TCF7L2: variants seen among roughly 807,000 people sequenced by gnomAD.
TCF7L2 encodes the protein transcription factor 7 like 2.
A neutral mutation model predicts 77.9 loss-of-function variants in TCF7L2; 23 were observed. That is an observed-to-expected ratio of 0.30 (90% confidence interval 0.21 to 0.42). TCF7L2 has a LOEUF of 0.42. Among genes scored for constraint, TCF7L2 ranks in the 10% least tolerant of loss-of-function variants. TCF7L2 has a pLI of 1.00. For missense variants in TCF7L2, 654 were observed against 793.1 expected (o/e 0.82, Z 2.11); for synonymous variants, 413 against 340.2 (o/e 1.21, Z -2.36).
At chr10:113,038,128 A>T (rs1437895845) in intron 4 of TCF7L2, among the ~76,000 whole-genome samples, 1 of 152,122 alleles carries the variant, frequency 6.6e-6, no homozygotes, top group African/African-American at 2.4e-5. Flanking sequence ...GGTAAGGATA[A>T]CCAAGGGGGT....
At chr10:112,974,042 G>A in intron 4 of TCF7L2, among the ~76,000 whole-genome samples, 1 of 152,214 alleles carries the variant, frequency 6.6e-6, no homozygotes, top group East Asian at 1.9e-4. Context: ...GAATCCAGGA[G>A]TCCAGTGCAG....
At chr10:113,030,069 A>C (rs1227218387) in intron 4 of TCF7L2, among the ~76,000 whole-genome samples, 1 of 152,190 alleles carries the variant, frequency 6.6e-6, no homozygotes, top group Non-Finnish European at 1.5e-5. Context: ...CCTAGCAGCC[A>C]GTCTCTACCC....
At chr10:112,964,449 C>A in intron 3 of TCF7L2, 107 bp from the exon 4 acceptor site, 1 of 920,882 alleles carries the variant, frequency 1.1e-6, no homozygotes, top group Non-Finnish European at 1.8e-6. Flanking sequence ...AATGCCAAGG[C>A]TGCAGTTCAA....
At chr10:113,048,434 G>A (rs958325977) in intron 5 of TCF7L2, among the ~76,000 whole-genome samples, 4 of 152,046 alleles carry the variant, frequency 2.6e-5, no homozygotes, top group Admixed American at 1.3e-4. Flanking sequence ...ATGGTGCTTC[G>A]TTAATTAAGC....
At position 113,159,889 on chromosome 10, in the gene TCF7L2, C is replaced by T. The variant is rs187619379; in HGVS notation, c.1319-730C>T. 1,042 of 1,301,864 alleles carry T rather than the reference C, an allele frequency of 8.0e-4. 11 individuals carry two copies. In the African/African-American group the frequency reaches 0.015, roughly 19 times the overall value. The allele number at this position is 1,301,864 out of a possible 1,614,324, so 80.6% of individuals were successfully genotyped here. A position where few individuals can be genotyped will look rare whatever the true frequency, so the allele number is the denominator to read the frequency against. On this transcript the variant is annotated intron_variant, in intron 12 of 13. Coordinates refer to ENST00000627217, the MANE Select transcript of TCF7L2 (RefSeq NM_001146274.2). The stretch of plus-strand genomic sequence containing the variant: ...TCTCCCTTTCTCCCACGTTCTCCTC[C>T]TCTGCTCGCTTCTCTCTTGAACTCA...
chr10:113,085,570 T>C (rs1261735054), intron 5 of TCF7L2, among the ~76,000 whole-genome samples: 1 of 152,104 alleles, frequency 6.6e-6, no homozygotes, highest in East Asian at 1.9e-4. Context: ...AGTTGTGGAG[T>C]GGGGCAGTAA....
At chr10:113,137,502 A>G (rs1379895442) in intron 5 of TCF7L2, among the ~76,000 whole-genome samples, 4 of 152,204 alleles carry the variant, frequency 2.6e-5, no homozygotes, top group African/African-American at 9.7e-5. Context: ...CAACCTGGTG[A>G]GGAAGAATGA....
chr10:112,951,436 C>T lies in TCF7L2; in HGVS notation c.257-47C>T, dbSNP rs778334494. ...CTAAAAAGTTTCTCCTCACTCTCTCCCGCTCCGCGCGGCCGCCGCTGTCCC... is the reference window on the plus strand; with the variant it reads ...CTAAAAAGTTTCTCCTCACTCTCTCTCGCTCCGCGCGGCCGCCGCTGTCCC... On this transcript the variant is annotated intron_variant, in intron 2 of 13. Transcript: ENST00000627217. The T allele has an allele frequency of 3.7e-6, 5 of 1,366,242 alleles. No individual in the cohort carries two copies. The South Asian group carries it at 6.2e-5, about 17-fold the overall frequency. The allele number at this position is 1,366,242 out of a possible 1,614,324, so 84.6% of individuals were successfully genotyped here.
intron 4 of TCF7L2, among the ~76,000 whole-genome samples, chr10:112,985,092 C>T (rs2041239642): frequency 1.3e-5 from 2 of 152,010 alleles, no homozygotes; most frequent in South Asian, 4.2e-4. Context: ...AGTGCTGACA[C>T]AATGGCCCAT....
chr10:113,151,976 T>G lies in TCF7L2; in HGVS notation c.1161+92T>G. On this transcript the variant is annotated intron_variant, in intron 10 of 13. Coordinates refer to ENST00000627217, the MANE Select transcript of TCF7L2 (RefSeq NM_001146274.2). The surrounding 1 kb of genome is among the most constrained non-coding windows in gnomAD (Gnocchi z 5.2). ...GGTGGCAGAATGTCTCTGTCCCCAT[T>G]TCTTTGGAGAATTCTTGCCCTTCAG... 1.3e-6 allele frequency: 2 copies of G among 1,495,190 alleles called. No homozygotes were observed. Among genetic ancestry groups the G allele is most frequent in the Non-Finnish European group, 1.8e-6 (2 of 1,122,058 alleles). The allele number at this position is 1,495,190 out of a possible 1,614,324, so 92.6% of individuals were successfully genotyped here.
At chr10:113,039,909 A>T in intron 4 of TCF7L2, 116 bp from the exon 5 acceptor site, 1 of 819,878 alleles carries the variant, frequency 1.2e-6, no homozygotes, top group Non-Finnish European at 1.9e-6. Context: ...GATTATTTGC[A>T]TGCTTGTATG....
intron 4 of TCF7L2, among the ~76,000 whole-genome samples, chr10:112,965,828 G>C (rs939004780): frequency 6.6e-6 from 1 of 152,012 alleles, no homozygotes; most frequent in Non-Finnish European, 1.5e-5. Flanking sequence ...ATTTTTATTT[G>C]GTGCATTCCT....
chr10:113,075,087 G>GA (rs2058542301), intron 5 of TCF7L2, among the ~76,000 whole-genome samples: 1 of 152,202 alleles, frequency 6.6e-6, no homozygotes, highest in Non-Finnish European at 1.5e-5. Flanking sequence ...CTCCTGGGCT[G>GA]AAGCAATCTT....
intron 5 of TCF7L2, among the ~76,000 whole-genome samples, chr10:113,044,434 G>T (rs1454848539): frequency 6.6e-6 from 1 of 152,122 alleles, no homozygotes; most frequent in African/African-American, 2.4e-5. Context: ...AAACACATGC[G>T]CTGTTTCGAT....
intron 4 of TCF7L2, among the ~76,000 whole-genome samples, chr10:112,974,548 A>G (rs893680285): frequency 2.6e-5 from 4 of 152,032 alleles, no homozygotes; most frequent in South Asian, 2.1e-4. Flanking sequence ...AGTTCAAGCA[A>G]TTCTCTGCCT....
intron 5 of TCF7L2, among the ~76,000 whole-genome samples, chr10:113,085,642 CCTTGATT>C (rs1212310299): frequency 6.6e-6 from 1 of 152,176 alleles, no homozygotes; most frequent in African/African-American, 2.4e-5. Context: ...GGGTGGCATA[CCTTGATT>C]CTTGATCCAC....
At chr10:112,992,524 C>A (rs1186477588) in intron 4 of TCF7L2, among the ~76,000 whole-genome samples, 1 of 152,106 alleles carries the variant, frequency 6.6e-6, no homozygotes, top group Non-Finnish European at 1.5e-5. Context: ...TGCAGCCTGC[C>A]CAGCAGGGCC....
At chr10:113,027,697 AAG>A (rs1327466215) in intron 4 of TCF7L2, among the ~76,000 whole-genome samples, 1 of 152,136 alleles carries the variant, frequency 6.6e-6, no homozygotes, top group Non-Finnish European at 1.5e-5. Context: ...AGGCAGGGGT[AAG>A]AGAGGCAGTT....
At position 113,165,570 on chromosome 10, in the gene TCF7L2, C is replaced by T. The variant is rs780509521; in HGVS notation, c.1407C>T (p.Cys469=). ...CTGTTTCTAGGAGAAAAAAAAAGTG[C>T]GTTCGCTACATACAAGGTGAAGGCA... Residue 469 remains cysteine, a synonymous_variant, in exon 14 of 14, where the codon TGC becomes TGT. Coordinates refer to ENST00000627217, the MANE Select transcript of TCF7L2 (RefSeq NM_001146274.2). 44 of 1,613,838 alleles carry T rather than the reference C, an allele frequency of 2.7e-5. No homozygotes were observed. The highest frequency in any genetic ancestry group is 4.0e-5 in the African/African-American group (3 of 74,870).
Sources: allele counts gnomAD v4.1 joint callset (sites outside exome capture counted in the v4.1 genomes callset), GRCh38; gene constraint gnomAD v4.1.1; non-coding constraint Gnocchi (gnomAD v3.1); transcripts MANE v1.5; gene names NCBI Gene and HGNC (gene_info 2026-07-23, HGNC 2026-07-21).